The following RNF7 variants were observed in gnomAD, a reference collection of about 807,000 sequenced individuals.
RNF7 encodes ring finger protein 7, also known as RING-box protein 2.
Under a neutral mutation model 17.0 loss-of-function variants are expected in RNF7, and 9 were observed. The ratio of observed to expected loss-of-function variants is 0.53; its 90% CI spans 0.32 to 0.92. The LOEUF (loss-of-function observed/expected upper bound fraction) is 0.92, where lower values mean the gene tolerates loss of function less well. Ranked by LOEUF, RNF7 falls within the 40% of genes least tolerant of loss-of-function variation. The probability of loss-of-function intolerance (pLI) is 0.04; values close to 1 mark genes in which losing one functional copy is unlikely to be tolerated. For missense variants in RNF7, 87 were observed against 145.8 expected (o/e 0.60, Z 2.08); for synonymous variants, 59 against 50.5 (o/e 1.17, Z -0.72).
intron 1 of RNF7, chr3:141,742,763 T>A (rs1168270601): frequency 2.3e-6 from 3 of 1,284,286 alleles, no homozygotes; most frequent in Non-Finnish European, 3.0e-6. Flanking sequence ...CTCACTGGCT[T>A]CTCACCAGCC....
intron 1 of RNF7, among the ~76,000 whole-genome samples, chr3:141,741,989 T>TC (rs929885540): frequency 5.9e-5 from 9 of 151,924 alleles, no homozygotes; most frequent in Middle Eastern, 3.2e-3. Flanking sequence ...TTTCTTTCTT[T>TC]TTTTTTTTAA....
Position 141,745,148 on chromosome 3 carries a change from CT to C in RNF7, c.224-8del, listed in dbSNP as rs763966333. On this transcript the variant is annotated splice_polypyrimidine_tract_variant and intron_variant, in intron 2 of 2. Coordinates refer to ENST00000273480, the MANE Select transcript of RNF7 (RefSeq NM_014245.5). ...ATATGTAATGTCAACTCTTCTTTTT[CT>C]TTCTTTCAGTGGTCTGGGGAGAATG... 6 of 1,564,458 alleles carry C rather than the reference CT, an allele frequency of 3.8e-6. No homozygotes were observed. Among genetic ancestry groups the C allele is most frequent in the Non-Finnish European group, 5.2e-6 (6 of 1,144,464 alleles).
intron 1 of RNF7, chr3:141,742,950 TTTTAA>T (rs2084436043): frequency 9.9e-7 from 1 of 1,010,592 alleles, no homozygotes; most frequent in African/African-American, 1.7e-5. Context: ...TGAAGCAATT[TTTTAA>T]TTTAATTTTT....
intron 2 of RNF7, 30 bp downstream of exon 2, chr3:141,743,586 T>G: frequency 6.4e-7 from 1 of 1,560,388 alleles, no homozygotes; most frequent in Non-Finnish European, 8.8e-7. Flanking sequence ...TCTTGCTTTT[T>G]CAACTGAAGG....
At chr3:141,741,158 G>A (rs1460336740) in intron 1 of RNF7, among the ~76,000 whole-genome samples, 2 of 152,172 alleles carry the variant, frequency 1.3e-5, no homozygotes, top group African/African-American at 4.8e-5. Flanking sequence ...GAGGCAGTTG[G>A]GATCACCAAC....
At chr3:141,742,376 A>G (rs1360066004) in intron 1 of RNF7, among the ~76,000 whole-genome samples, 2 of 151,112 alleles carry the variant, frequency 1.3e-5, no homozygotes, top group Admixed American at 6.6e-5. Flanking sequence ...ACAGGCGCCC[A>G]CCACCACGCC....
At chr3:141,743,908 A>G (rs935506865) in intron 2 of RNF7, among the ~76,000 whole-genome samples, 1 of 152,226 alleles carries the variant, frequency 6.6e-6, no homozygotes, top group Non-Finnish European at 1.5e-5. Context: ...TGGTTCTAAT[A>G]AGGCATTTCA....
rs1459044160 is a variant in RNF7 at position 141,742,580 on chromosome 3, T to C, written c.176-929T>C. 2.6e-6 allele frequency: 3 copies of C among 1,148,800 alleles called. No homozygotes were observed. In the Admixed American group the frequency reaches 7.2e-5, roughly 28 times the overall value. 71.2% of individuals were successfully genotyped at this position (1,148,800 alleles called of 1,614,324 possible). On this transcript the variant is annotated intron_variant, in intron 1 of 2. Coordinates refer to ENST00000273480, the MANE Select transcript of RNF7 (RefSeq NM_014245.5). ...TTTACTTATTTTATCTGTAAAATTC[T>C]CACCAGTTTGTATCATCCCCACTTA...
At chr3:141,740,141 A>C (rs1303519222) in intron 1 of RNF7, among the ~76,000 whole-genome samples, 1 of 151,810 alleles carries the variant, frequency 6.6e-6, no homozygotes, top group Non-Finnish European at 1.5e-5. Context: ...CTAGTTTGGG[A>C]AGCATTTTTA....
chr3:141,742,539 T>G, intron 1 of RNF7: 1 of 995,216 alleles, frequency 1.0e-6, no homozygotes, highest in Non-Finnish European at 1.4e-6. Context: ...ACCTTAGTGT[T>G]TAGGGATATC....
intron 1 of RNF7, among the ~76,000 whole-genome samples, chr3:141,741,841 C>T (rs2084420584): frequency 6.6e-6 from 1 of 152,094 alleles, no homozygotes; most frequent in African/African-American, 2.4e-5. Context: ...ATAACCCATA[C>T]ATATAATGTT....
intron 2 of RNF7, among the ~76,000 whole-genome samples, chr3:141,744,860 G>A (rs919226189): frequency 6.6e-6 from 1 of 152,168 alleles, no homozygotes; most frequent in Non-Finnish European, 1.5e-5. Flanking sequence ...TCTAAGGAAG[G>A]TTCAAGAACA....
chr3:141,744,199 C>G (rs2084448743), intron 2 of RNF7, among the ~76,000 whole-genome samples: 1 of 152,122 alleles, frequency 6.6e-6, no homozygotes, highest in Non-Finnish European at 1.5e-5. Flanking sequence ...ACGTAGAACA[C>G]AAATACATGG....
At chr3:141,742,237 T>C (rs1056983882) in intron 1 of RNF7, among the ~76,000 whole-genome samples, 1 of 148,600 alleles carries the variant, frequency 6.7e-6, no homozygotes, top group South Asian at 2.1e-4. Flanking sequence ...TTTTTTTTTT[T>C]TTTTTTTGAG....
Position 141,745,701 on chromosome 3 carries a change from A to G in RNF7, c.*424A>G, listed in dbSNP as rs1351952758. On this transcript the variant is annotated 3_prime_UTR_variant, in exon 3 of 3. Coordinates refer to ENST00000273480, the MANE Select transcript of RNF7 (RefSeq NM_014245.5). ...ACAAATAAAGTGCAGTTTAAAACCC[A>G]ACTCTTACTCTTAATTTGTTCCTAA... 2.6e-5 allele frequency: 4 copies of G among 152,804 alleles called. No individual in the cohort carries two copies. The highest frequency in any genetic ancestry group is 9.7e-5 in the African/African-American group (4 of 41,450). 9.5% of individuals were successfully genotyped at this position (152,804 alleles called of 1,614,324 possible).
chr3:141,742,229 T>C (rs934610609), intron 1 of RNF7, among the ~76,000 whole-genome samples: 1 of 146,880 alleles, frequency 6.8e-6, no homozygotes, highest in African/African-American at 2.5e-5. Flanking sequence ...TTTTCTTTTT[T>C]TTTTTTTTTT....
intron 1 of RNF7, 74 bp downstream of exon 1, chr3:141,738,590 C>A: frequency 1.4e-6 from 2 of 1,449,174 alleles, no homozygotes; most frequent in East Asian, 2.5e-5. Context: ...AAGGGACGGG[C>A]GTCCGTCAGA....
In RNF7 at chr3:141,743,524, G is replaced by A; in HGVS notation, c.191G>A (p.Cys64Tyr). Residue 64 changes from cysteine to tyrosine, a missense_variant, in exon 2 of 3, where the codon TGT becomes TAT. Coordinates refer to ENST00000273480, the MANE Select transcript of RNF7 (RefSeq NM_014245.5). ...TTACTTTTAGATGCCTGTCTTAGAT[G>A]TCAAGCTGAAAACAAACAAGAGGAC... ...RVQVMDACLRCQAENKQEDCV... is the reference protein window; with the variant it reads ...RVQVMDACLRYQAENKQEDCV... 1 of 1,610,772 alleles carries A rather than the reference G, an allele frequency of 6.2e-7. No individual in the cohort carries two copies. The highest frequency in any genetic ancestry group is 8.5e-7 in the Non-Finnish European group (1 of 1,178,938).
chr3:141,743,614 T>C, intron 2 of RNF7, 58 bp downstream of exon 2: 1 of 1,227,802 alleles, frequency 8.1e-7, no homozygotes, highest in Non-Finnish European at 1.2e-6. Context: ...TCAGTAGGGA[T>C]GTTTGAATTT....
Sources: allele counts gnomAD v4.1 joint callset (sites outside exome capture counted in the v4.1 genomes callset), GRCh38; gene constraint gnomAD v4.1.1; transcripts MANE v1.5; gene names NCBI Gene and HGNC (gene_info 2026-07-23, HGNC 2026-07-21).